MAPK10: variants seen among roughly 807,000 people sequenced by gnomAD.
MAPK10 encodes JNK3 alpha protein kinase.
In MAPK10, 25 loss-of-function variants were observed where a neutral mutation model predicts 59.3. The observed-to-expected ratio is 0.42, with a 90% confidence interval of 0.31 to 0.59. The LOEUF is 0.59. Among genes scored for constraint, MAPK10 ranks in the 20% least tolerant of loss-of-function variants. The pLI is 0.15. For missense variants in MAPK10, 351 were observed against 568.9 expected (o/e 0.62, Z 3.90); for synonymous variants, 190 against 200.5 (o/e 0.95, Z 0.44).
chr4:86,229,822 G>A (rs562893169), intron 2 of MAPK10, among the ~76,000 whole-genome samples: 2 of 149,958 alleles, frequency 1.3e-5, no homozygotes, highest in South Asian at 2.1e-4. Context: ...TTGTGAAGCT[G>A]AGGAGAGAGG....
chr4:86,584,305 G>C (rs1384187550), intron 1 of MAPK10, among the ~76,000 whole-genome samples: 1 of 152,144 alleles, frequency 6.6e-6, no homozygotes, highest in African/African-American at 2.4e-5. Context: ...AGCAGCAGAC[G>C]TGTCAGGAAA....
At chr4:86,274,897 T>G (rs1016024571) in intron 2 of MAPK10, among the ~76,000 whole-genome samples, 1 of 151,960 alleles carries the variant, frequency 6.6e-6, no homozygotes. Context: ...CTCAATTAAA[T>G]GGAAGATAAG....
intron 1 of MAPK10, among the ~76,000 whole-genome samples, chr4:86,529,204 T>TC (rs1757689974): frequency 6.6e-6 from 1 of 152,210 alleles, no homozygotes; most frequent in Non-Finnish European, 1.5e-5. Flanking sequence ...CTCTAAGTTT[T>TC]CCCTTAGATG....
At chr4:86,216,811 A>G (rs916193086) in intron 2 of MAPK10, among the ~76,000 whole-genome samples, 2 of 152,086 alleles carry the variant, frequency 1.3e-5, no homozygotes, top group Admixed American at 6.5e-5. Flanking sequence ...ATCTTTTAAA[A>G]CAAATATAGT....
intron 1 of MAPK10, among the ~76,000 whole-genome samples, chr4:86,486,143 G>C (rs1032756194): frequency 2.6e-5 from 4 of 152,204 alleles, no homozygotes; most frequent in Non-Finnish European, 5.9e-5. Flanking sequence ...CACATGGAAA[G>C]TTGGGTGTGG....
intron 2 of MAPK10, among the ~76,000 whole-genome samples, chr4:86,318,602 A>T (rs2095834369): frequency 6.6e-6 from 1 of 152,074 alleles, no homozygotes; most frequent in Admixed American, 6.6e-5. Context: ...AGAAGAGATG[A>T]CAGAAAGGCC....
chr4:86,111,283 G>C (rs890783692), intron 4 of MAPK10, among the ~76,000 whole-genome samples: 1 of 152,158 alleles, frequency 6.6e-6, no homozygotes, highest in African/African-American at 2.4e-5. Flanking sequence ...CATGAAGAGA[G>C]AGGGCATCCT....
chr4:86,513,203 A>G (rs940519861), intron 1 of MAPK10, among the ~76,000 whole-genome samples: 1 of 151,916 alleles, frequency 6.6e-6, no homozygotes, highest in African/African-American at 2.4e-5. Flanking sequence ...ACATACCACT[A>G]TGCTCAATTT....
intron 9 of MAPK10, 74 bp downstream of exon 9, chr4:86,098,450 T>A (rs1333446268): frequency 6.2e-7 from 1 of 1,601,084 alleles, no homozygotes; most frequent in Non-Finnish European, 8.5e-7. Flanking sequence ...TTTACTCTCC[T>A]GGTAAAATCA....
intron 1 of MAPK10, among the ~76,000 whole-genome samples, chr4:86,414,828 T>C (rs1745655560): frequency 6.6e-6 from 1 of 152,000 alleles, no homozygotes; most frequent in Admixed American, 6.6e-5. Flanking sequence ...CATTCTACCC[T>C]TCATCCATGA....
At chr4:86,216,263 T>C (rs903695111) in intron 2 of MAPK10, among the ~76,000 whole-genome samples, 11 of 145,514 alleles carry the variant, frequency 7.6e-5, no homozygotes, top group Non-Finnish European at 1.5e-4. Flanking sequence ...GTGCTATATA[T>C]ATATATATAG....
chr4:86,211,508 A>G (rs1377416600), intron 2 of MAPK10, among the ~76,000 whole-genome samples: 3 of 152,148 alleles, frequency 2.0e-5, no homozygotes, highest in Non-Finnish European at 4.4e-5. Context: ...TAGGAAAGAA[A>G]TTAAGACATT....
At chr4:86,057,243 G>A (rs951792950) in intron 11 of MAPK10, among the ~76,000 whole-genome samples, 2 of 149,554 alleles carry the variant, frequency 1.3e-5, no homozygotes, top group African/African-American at 5.0e-5. Context: ...GTGCCCAGCA[G>A]GACATTATTT....
intron 2 of MAPK10, among the ~76,000 whole-genome samples, chr4:86,225,612 C>T (rs761665098): frequency 5.9e-5 from 9 of 152,188 alleles, no homozygotes; most frequent in South Asian, 2.1e-4. Context: ...TCATCACACT[C>T]AGTGGTGGTC....
At chr4:86,424,422 T>C (rs1376736800) in intron 1 of MAPK10, among the ~76,000 whole-genome samples, 1 of 152,144 alleles carries the variant, frequency 6.6e-6, no homozygotes, top group African/African-American at 2.4e-5. Flanking sequence ...ACTCCTGACC[T>C]CAAGTGATCT....
intron 1 of MAPK10, among the ~76,000 whole-genome samples, chr4:86,449,822 T>C (rs1208247297): frequency 6.6e-6 from 1 of 152,240 alleles, no homozygotes. Context: ...ATTTTCCTGC[T>C]GGTCTTGAGA....
chr4:86,216,178 A>G (rs1287677577), intron 2 of MAPK10, among the ~76,000 whole-genome samples: 2 of 151,700 alleles, frequency 1.3e-5, no homozygotes, highest in Non-Finnish European at 1.5e-5. Flanking sequence ...CTGTCTTCAT[A>G]GCAGTATTAT....
chr4:86,154,506 C>T (rs182611690), intron 4 of MAPK10, among the ~76,000 whole-genome samples: 131 of 152,200 alleles, frequency 8.6e-4, no homozygotes, highest in Non-Finnish European at 1.3e-3. Context: ...CTGTTACCAT[C>T]AGGCATTTTC....
chr4:86,035,054 G>A (rs1282600500), intron 11 of MAPK10, among the ~76,000 whole-genome samples: 1 of 152,030 alleles, frequency 6.6e-6, no homozygotes, highest in Non-Finnish European at 1.5e-5. Context: ...GAAGCAGAAG[G>A]GTCAGACAAA....
Sources: gnomAD v4.1 joint callset for allele counts (sites outside exome capture counted in the v4.1 genomes callset) on GRCh38, gnomAD v4.1.1 for gene constraint, MANE v1.5 for transcripts, NCBI Gene and HGNC (gene_info 2026-07-23, HGNC 2026-07-21) for gene names.